ANKRD36C: variants seen among roughly 807,000 people sequenced by gnomAD.
The protein encoded by ANKRD36C is ankyrin repeat domain-containing protein 36C.
Under a neutral mutation model 276.4 loss-of-function variants are expected in ANKRD36C, and 61 were observed. The observed-to-expected ratio is 0.22, with a 90% CI of 0.18 to 0.27. The LOEUF (loss-of-function observed/expected upper bound fraction) is 0.27, where lower values mean the gene tolerates loss of function less well. Ranked by LOEUF, ANKRD36C falls within the 10% of genes least tolerant of loss-of-function variation. The pLI, the probability that ANKRD36C is intolerant of heterozygous loss-of-function variation, is 1.00. For synonymous variants in ANKRD36C, 483 were observed against 680.1 expected (o/e 0.71, Z 4.51); for missense variants, 1,447 against 2,032.3 (o/e 0.71, Z 5.54).
intron 42 of ANKRD36C, among the ~76,000 whole-genome samples, 159 bp downstream of exon 50, chr2:95,906,472 C>T (rs1443447842): frequency 3.5e-5 from 4 of 113,660 alleles, no homozygotes; most frequent in African/African-American, 1.2e-4. Context: ...TGTTCCAGAC[C>T]AGCAGCATCA....
chr2:95,852,092 C>T, intron 65 of ANKRD36C, 34 bp downstream of exon 85: 2 of 1,581,574 alleles, frequency 1.3e-6, no homozygotes, highest in Non-Finnish European at 1.7e-6. Flanking sequence ...TTTATAAATA[C>T]TCAAGTTATT....
At chr2:95,889,867 G>A in exon 48 of ANKRD36C, 2 of 1,605,264 alleles carry the variant, frequency 1.2e-6, no homozygotes, top group South Asian at 2.2e-5. Flanking sequence ...CTTGTCACTT[G>A]TAGCCTGAAT....
chr2:95,944,097 T>C (rs1677969983), intron 19 of ANKRD36C, among the ~76,000 whole-genome samples: 1 of 152,150 alleles, frequency 6.6e-6, no homozygotes, highest in South Asian at 2.1e-4. Flanking sequence ...TCTGAGAATT[T>C]TTTAATTACT....
chr2:95,858,595 ACTT>A (rs1182059713), intron 61 of ANKRD36C, among the ~76,000 whole-genome samples: 1 of 152,202 alleles, frequency 6.6e-6, no homozygotes, highest in African/African-American at 2.4e-5. Flanking sequence ...ACATAAAGTT[ACTT>A]TTTATAAACA....
chr2:95,955,197 C>G (rs1678299127), intron 13 of ANKRD36C, among the ~76,000 whole-genome samples: 1 of 152,270 alleles, frequency 6.6e-6, no homozygotes, highest in Non-Finnish European at 1.5e-5. Context: ...CAATCTCCAG[C>G]TCCCTAGTTC....
rs536483727 is a variant in ANKRD36C at position 95,890,038 on chromosome 2, A to G, written c.2858-44T>C. 2.8e-5 allele frequency: 44 copies of G among 1,590,844 alleles called. No homozygotes were observed. In the South Asian group the frequency reaches 4.6e-4, roughly 17 times the overall value. On this transcript the variant is annotated intron_variant, in intron 46 of 66. Transcript: ENST00000456556. ...ACATAATCACTCATACGTAAATATG[A>G]TAAAGTTATTCATACATTCATACAG...
intron 44 of ANKRD36C, among the ~76,000 whole-genome samples, chr2:95,896,187 A>G (rs1676544581): frequency 6.7e-6 from 1 of 148,696 alleles, no homozygotes; most frequent in African/African-American, 2.5e-5. Context: ...GTAGTGTAAT[A>G]ATTTGCCTAA....
intron 52 of ANKRD36C, among the ~76,000 whole-genome samples, chr2:95,885,049 C>T (rs1246011441): frequency 1.3e-5 from 2 of 151,928 alleles, no homozygotes; most frequent in African/African-American, 4.8e-5. Flanking sequence ...ATATATTAGC[C>T]TCAATAAAAA....
At chr2:95,960,322 C>T in intron 10 of ANKRD36C, 151 bp downstream of exon 10, 1 of 981,564 alleles carries the variant, frequency 1.0e-6, no homozygotes, top group Non-Finnish European at 1.5e-6. Flanking sequence ...GCAGAATCAC[C>T]ATCACTCAAG....
intron 58 of ANKRD36C, among the ~76,000 whole-genome samples, chr2:95,879,452 T>C (rs141262631): frequency 6.9e-6 from 1 of 145,552 alleles, no homozygotes; most frequent in Non-Finnish European, 1.6e-5. Flanking sequence ...AAGTACAAAT[T>C]AAAAGACAGC....
intron 44 of ANKRD36C, among the ~76,000 whole-genome samples, chr2:95,893,934 A>C (rs909902079): frequency 2.8e-4 from 42 of 151,584 alleles, no homozygotes; most frequent in South Asian, 1.2e-3. Flanking sequence ...TTGCAATTTC[A>C]AACATGGTAC....
At chr2:95,894,752 A>C (rs1449130495) in intron 44 of ANKRD36C, among the ~76,000 whole-genome samples, 1 of 151,412 alleles carries the variant, frequency 6.6e-6, no homozygotes, top group Non-Finnish European at 1.5e-5. Flanking sequence ...AAGAGGAGTA[A>C]TGAGTCATTG....
At chr2:95,870,765 GA>G (rs1427119563) in intron 59 of ANKRD36C, among the ~76,000 whole-genome samples, 1 of 151,806 alleles carries the variant, frequency 6.6e-6, no homozygotes, top group Non-Finnish European at 1.5e-5. Context: ...TAAAAACTTT[GA>G]AAAAAAATTT....
chr2:95,984,452 C>T (rs961665528), intron 3 of ANKRD36C, among the ~76,000 whole-genome samples: 2 of 152,216 alleles, frequency 1.3e-5, no homozygotes, highest in Non-Finnish European at 2.9e-5. Context: ...TAGAGGCAAA[C>T]TAAACACATC....
chr2:95,890,568 C>T (rs1007729483), intron 46 of ANKRD36C, among the ~76,000 whole-genome samples: 3 of 151,552 alleles, frequency 2.0e-5, no homozygotes, highest in African/African-American at 7.3e-5. Flanking sequence ...TTACCTCTCA[C>T]ACCCATGTGG....
At chr2:95,910,667 G>A (rs1483591532) in intron 42 of ANKRD36C, 99 bp from the exon 45 acceptor site, 2 of 1,579,244 alleles carry the variant, frequency 1.3e-6, no homozygotes, top group East Asian at 2.3e-5. Context: ...CCTCCTGCCT[G>A]TATTAGCGCA....
chr2:95,858,091 G>A (rs1290398374), intron 61 of ANKRD36C, among the ~76,000 whole-genome samples: 1 of 151,918 alleles, frequency 6.6e-6, no homozygotes, highest in East Asian at 1.9e-4. Context: ...CCAAACCAAT[G>A]TATTTCTTAC....
At chr2:95,971,295 A>C (rs1259239442) in intron 6 of ANKRD36C, among the ~76,000 whole-genome samples, 2,282 of 80,598 alleles carry the variant, frequency 0.028, 349 homozygotes, top group East Asian at 0.057. Flanking sequence ...AGGTATATTT[A>C]AATATAAATA....
chr2:95,873,400 A>G (rs1206799014), intron 59 of ANKRD36C, among the ~76,000 whole-genome samples: 2 of 152,208 alleles, frequency 1.3e-5, no homozygotes, highest in Non-Finnish European at 2.9e-5. Flanking sequence ...CTTATAAACA[A>G]AACCAAAGAC....
Sources: gnomAD v4.1 joint callset for allele counts (sites outside exome capture counted in the v4.1 genomes callset) on GRCh38, gnomAD v4.1.1 for gene constraint, MANE v1.5 for transcripts, NCBI Gene and HGNC (gene_info 2026-07-23, HGNC 2026-07-21) for gene names.